L3MBTL4: variants seen among roughly 807,000 people sequenced by gnomAD.
L3MBTL4 encodes lethal(3)malignant brain tumor-like protein 4.
L3MBTL4 carries 70 observed loss-of-function variants against 84.5 expected under a neutral mutation model. That is an observed-to-expected ratio of 0.83 (90% confidence interval 0.68 to 1.01). The LOEUF (loss-of-function observed/expected upper bound fraction) is 1.01. Ranked by LOEUF, L3MBTL4 falls within the 50% of genes least tolerant of loss-of-function variation. The pLI is 0.00. For synonymous variants in L3MBTL4, 274 were observed against 259.8 expected (o/e 1.05, Z -0.52); for missense variants, 715 against 754.8 (o/e 0.95, Z 0.62).
At chr18:6,057,793 C>T (rs76312928) in intron 16 of L3MBTL4, among the ~76,000 whole-genome samples, 4,042 of 152,244 alleles carry the variant, frequency 0.027, 85 homozygotes, top group African/African-American at 0.058. Flanking sequence ...GGTGTACCCC[C>T]ACAAGGCAGC....
At chr18:5,970,026 C>T (rs2052561903) in intron 16 of L3MBTL4, among the ~76,000 whole-genome samples, 1 of 152,224 alleles carries the variant, frequency 6.6e-6, no homozygotes, top group Non-Finnish European at 1.5e-5. Context: ...ACAGAATGAG[C>T]CTCAGTCCAC....
At chr18:6,243,499 A>G (rs998994730) in intron 6 of L3MBTL4, 70 bp from the exon 7 acceptor site, 11 of 1,317,644 alleles carry the variant, frequency 8.3e-6, no homozygotes, top group Non-Finnish European at 1.1e-5. Context: ...AATTCACAAA[A>G]TATTCATATA....
intron 1 of L3MBTL4, among the ~76,000 whole-genome samples, chr18:6,359,957 G>A (rs2053610234): frequency 6.6e-6 from 1 of 152,106 alleles, no homozygotes; most frequent in East Asian, 1.9e-4. Context: ...ACTTAAGTAT[G>A]AGTTAATAAT....
chr18:6,053,675 C>T (rs149622248), intron 16 of L3MBTL4, among the ~76,000 whole-genome samples: 31 of 152,280 alleles, frequency 2.0e-4, no homozygotes, highest in African/African-American at 7.2e-4. Context: ...AAAACCTTGC[C>T]TTCCTTTGCT....
intron 14 of L3MBTL4, among the ~76,000 whole-genome samples, chr18:6,112,642 A>C (rs905839346): frequency 1.3e-5 from 2 of 152,180 alleles, no homozygotes; most frequent in Non-Finnish European, 2.9e-5. Flanking sequence ...TGAAATTGAG[A>C]ATACCCAATT....
chr18:6,305,434 A>G (rs2050539767), intron 3 of L3MBTL4, among the ~76,000 whole-genome samples: 1 of 152,144 alleles, frequency 6.6e-6, no homozygotes, highest in African/African-American at 2.4e-5. Flanking sequence ...CATAAAGGTA[A>G]TAAATCTACA....
At chr18:6,364,937 C>A (rs1163896438) in intron 1 of L3MBTL4, among the ~76,000 whole-genome samples, 1 of 151,596 alleles carries the variant, frequency 6.6e-6, no homozygotes, top group African/African-American at 2.4e-5. Context: ...AGACTAGTAA[C>A]CAAGAATGAG....
At chr18:6,391,482 T>C (rs758804228) in intron 1 of L3MBTL4, among the ~76,000 whole-genome samples, 2 of 151,928 alleles carry the variant, frequency 1.3e-5, no homozygotes, top group Non-Finnish European at 2.9e-5. Flanking sequence ...ACACTAGTCA[T>C]AGCAATCAGA....
intron 16 of L3MBTL4, among the ~76,000 whole-genome samples, chr18:6,039,331 G>A (rs1293226504): frequency 6.6e-6 from 1 of 152,084 alleles, no homozygotes; most frequent in African/African-American, 2.4e-5. Flanking sequence ...AATTTTCTCT[G>A]CTTTTAAAAA....
intron 5 of L3MBTL4, among the ~76,000 whole-genome samples, chr18:6,250,769 T>C (rs894942584): frequency 6.6e-6 from 1 of 152,190 alleles, no homozygotes; most frequent in Non-Finnish European, 1.5e-5. Context: ...AAGGGAAAGA[T>C]GTTCACAGGA....
chr18:6,340,351 A>T (rs916300118), intron 1 of L3MBTL4, among the ~76,000 whole-genome samples: 2 of 152,186 alleles, frequency 1.3e-5, no homozygotes, highest in African/African-American at 4.8e-5. Flanking sequence ...GGTGAAAAGC[A>T]ATTTCACATT....
chr18:6,020,110 G>A (rs573764464), intron 16 of L3MBTL4, among the ~76,000 whole-genome samples: 20 of 152,258 alleles, frequency 1.3e-4, no homozygotes, highest in African/African-American at 4.3e-4. Flanking sequence ...AATTAAAATA[G>A]AGTATAATAA....
intron 12 of L3MBTL4, among the ~76,000 whole-genome samples, chr18:6,211,101 T>C (rs9955142): frequency 0.011 from 1,677 of 152,334 alleles, 27 homozygotes; most frequent in African/African-American, 0.038. Context: ...TTCACCAAGT[T>C]ACCACACAGT....
intron 12 of L3MBTL4, among the ~76,000 whole-genome samples, chr18:6,204,659 A>C (rs1001002585): frequency 1.3e-5 from 2 of 152,260 alleles, no homozygotes; most frequent in Admixed American, 1.3e-4. Flanking sequence ...CATGTTATAT[A>C]CTTTTTCTAA....
intron 10 of L3MBTL4, among the ~76,000 whole-genome samples, chr18:6,231,859 T>A (rs1448261476): frequency 6.6e-6 from 1 of 152,116 alleles, no homozygotes; most frequent in East Asian, 1.9e-4. Flanking sequence ...TGATTTTACC[T>A]CTCCCTTTCC....
At chr18:6,208,692 A>G (rs1400269840) in intron 12 of L3MBTL4, among the ~76,000 whole-genome samples, 1 of 152,214 alleles carries the variant, frequency 6.6e-6, no homozygotes, top group East Asian at 1.9e-4. Context: ...TGATAAGGCA[A>G]CAGTAATGGG....
chr18:6,397,215 C>T (rs191980335), intron 1 of L3MBTL4: 186 of 152,260 alleles, frequency 1.2e-3, no homozygotes, highest in African/African-American at 4.2e-3. Flanking sequence ...AGGAGACAAG[C>T]ATTAAAAACA....
At chr18:6,152,183 A>G (rs2042925943) in intron 13 of L3MBTL4, among the ~76,000 whole-genome samples, 1 of 152,232 alleles carries the variant, frequency 6.6e-6, no homozygotes, top group African/African-American at 2.4e-5. Flanking sequence ...ATAATGACGC[A>G]ATGAACATAG....
intron 4 of L3MBTL4, among the ~76,000 whole-genome samples, chr18:6,282,225 A>T (rs1315909720): frequency 6.6e-6 from 1 of 152,212 alleles, no homozygotes; most frequent in East Asian, 1.9e-4. Flanking sequence ...TGTCCATCAC[A>T]CTTCCCTCAC....
Sources: gnomAD v4.1 joint callset for allele counts (sites outside exome capture counted in the v4.1 genomes callset) on GRCh38, gnomAD v4.1.1 for gene constraint, MANE v1.5 for transcripts, NCBI Gene and HGNC (gene_info 2026-07-23, HGNC 2026-07-21) for gene names.